The following CUL5 variants were observed in gnomAD, a reference collection of about 807,000 sequenced individuals.
The protein encoded by CUL5 is cullin 5.
In CUL5, 26 loss-of-function variants were observed where a neutral mutation model predicts 108.8. That is an observed-to-expected ratio of 0.24 (90% CI 0.18 to 0.33). The LOEUF is 0.33. Ranked by LOEUF, CUL5 falls within the 10% of genes least tolerant of loss-of-function variation. CUL5 has a pLI of 1.00. For missense variants in CUL5, 524 were observed against 909.2 expected (o/e 0.58, Z 5.45); for synonymous variants, 334 against 298.0 (o/e 1.12, Z -1.25).
intron 3 of CUL5, among the ~76,000 whole-genome samples, chr11:108,047,050 G>C (rs565255045): frequency 6.6e-6 from 1 of 152,292 alleles, no homozygotes; most frequent in Admixed American, 6.5e-5. Flanking sequence ...GGGCACAGTA[G>C]CTCAGGCCTG....
Position 108,008,997 on chromosome 11 carries a change from C to T in CUL5, c.-352C>T, listed in dbSNP as rs1368129614. The T allele has an allele frequency of 3.3e-6, 1 of 300,830 alleles. No individual in the cohort carries two copies. The highest frequency in any genetic ancestry group is 2.2e-5 in the African/African-American group (1 of 45,830). 18.6% of individuals were successfully genotyped at this position (300,830 alleles called of 1,614,324 possible). A position where few individuals can be genotyped will look rare whatever the true frequency, so the allele number is the denominator to read the frequency against. ...TTGCAGGTGGCCGCGGCGGGTGCAACCACAAAGGCTAATCCGAAGGAGTCG... is the reference window on the plus strand; with the variant it reads ...TTGCAGGTGGCCGCGGCGGGTGCAATCACAAAGGCTAATCCGAAGGAGTCG... On this transcript the variant is annotated 5_prime_UTR_variant, in exon 1 of 19. Transcript: ENST00000393094.
Position 108,095,520 on chromosome 11 carries a change from T to C in CUL5, c.1744-10T>C, listed in dbSNP as rs1216760463. On this transcript the variant is annotated splice_polypyrimidine_tract_variant and intron_variant, in intron 15 of 18. Coordinates refer to ENST00000393094, the MANE Select transcript of CUL5 (RefSeq NM_003478.6). ...GATTCTTTATTAAAAATCTGTTTTA[T>C]CTATTATAGATAACATTTAAGAATG... is the stretch of plus-strand genomic sequence containing the variant. The C allele has an allele frequency of 6.5e-7, 1 of 1,536,172 alleles. No individual in the cohort carries two copies. Among genetic ancestry groups the C allele is most frequent in the South Asian group, 1.2e-5 (1 of 85,152 alleles).
intron 8 of CUL5, among the ~76,000 whole-genome samples, chr11:108,070,545 A>G (rs770684168): frequency 8.5e-5 from 13 of 152,140 alleles, no homozygotes; most frequent in Non-Finnish European, 1.8e-4. Flanking sequence ...CTTGTGATGA[A>G]TCTTTTTAGA....
chr11:108,014,312 A>G (rs1166669331), intron 1 of CUL5, among the ~76,000 whole-genome samples: 3 of 152,170 alleles, frequency 2.0e-5, no homozygotes, highest in East Asian at 3.8e-4. Context: ...GCTGTGTTAG[A>G]TATTCTATAT....
chr11:108,065,155 A>G (rs1397096953), intron 7 of CUL5, among the ~76,000 whole-genome samples: 1 of 151,920 alleles, frequency 6.6e-6, no homozygotes, highest in African/African-American at 2.4e-5. Context: ...CCTCCCAAGT[A>G]GCTGGGACTA....
rs1453073492 is a variant in CUL5 at position 108,098,387 on chromosome 11, G to A, written c.2025-19G>A. 5 of 1,588,996 alleles carry A rather than the reference G, an allele frequency of 3.1e-6. No homozygotes were observed. The Admixed American group carries it at 5.5e-5, about 18-fold the overall frequency. On this transcript the variant is annotated intron_variant, in intron 17 of 18. Coordinates refer to ENST00000393094, the MANE Select transcript of CUL5 (RefSeq NM_003478.6). Reference sequence around the variant, plus strand: ...AAGTGTTTTTCACCATAAAATACTTGATGCAATTCTTTTTGTAGAAAAAAT... The same window carrying A: ...AAGTGTTTTTCACCATAAAATACTTAATGCAATTCTTTTTGTAGAAAAAAT...
intron 11 of CUL5, among the ~76,000 whole-genome samples, chr11:108,079,816 C>G (rs1864028858): frequency 6.6e-6 from 1 of 152,204 alleles, no homozygotes; most frequent in Non-Finnish European, 1.5e-5. Context: ...TTTGCCTAAT[C>G]TAGGACTTTG....
Position 108,106,031 on chromosome 11 carries a change from T to C in CUL5, c.*1647T>C, listed in dbSNP as rs1369702580. 1 of 152,168 alleles carries C rather than the reference T, an allele frequency of 6.6e-6. No individual in the cohort carries two copies. Among genetic ancestry groups the C allele is most frequent in the East Asian group, 1.9e-4 (1 of 5,196 alleles). The allele number at this position is 152,168 out of a possible 1,614,324, so 9.4% of individuals were successfully genotyped here. On this transcript the variant is annotated 3_prime_UTR_variant, in exon 19 of 19. Transcript: ENST00000393094. The stretch of plus-strand genomic sequence containing the variant: ...AAACTTATAGGAAATTGGAATTTTG[T>C]TTAAAATTTTACACTTTAAGGTAGC...
intron 2 of CUL5, among the ~76,000 whole-genome samples, chr11:108,041,794 G>A (rs548223433): frequency 6.6e-6 from 1 of 152,010 alleles, no homozygotes. Flanking sequence ...GTTTCATCAT[G>A]TTGGCCAGGC....
intron 3 of CUL5, among the ~76,000 whole-genome samples, chr11:108,048,815 T>G (rs1863135741): frequency 6.6e-6 from 1 of 151,806 alleles, no homozygotes; most frequent in East Asian, 1.9e-4. Context: ...TACAGGCGCA[T>G]GCCACCATGC....
intron 1 of CUL5, among the ~76,000 whole-genome samples, chr11:108,015,958 C>G (rs1207950091): frequency 2.0e-5 from 3 of 152,060 alleles, no homozygotes; most frequent in Non-Finnish European, 4.4e-5. Context: ...AGGTCTCACT[C>G]TCACACAAGC....
chr11:108,052,057 C>T (rs1012799921), intron 4 of CUL5, among the ~76,000 whole-genome samples: 4 of 152,162 alleles, frequency 2.6e-5, no homozygotes, highest in South Asian at 2.1e-4. Context: ...CCTTGCCCTC[C>T]TGGACTTAAG....
At chr11:108,072,940 C>A (rs186213647) in intron 9 of CUL5, among the ~76,000 whole-genome samples, 1 of 152,032 alleles carries the variant, frequency 6.6e-6, no homozygotes, top group Non-Finnish European at 1.5e-5. Context: ...AGGTGGCTCA[C>A]GCCTGTAATC....
At chr11:108,099,761 C>G (rs893303097) in intron 18 of CUL5, among the ~76,000 whole-genome samples, 1 of 152,126 alleles carries the variant, frequency 6.6e-6, no homozygotes, top group Non-Finnish European at 1.5e-5. Flanking sequence ...CCAGCTGATT[C>G]TTATTACCAT....
intron 2 of CUL5, among the ~76,000 whole-genome samples, chr11:108,038,822 C>T (rs148684516): frequency 2.4e-4 from 37 of 152,196 alleles, no homozygotes; most frequent in African/African-American, 8.4e-4. Flanking sequence ...TAATCGTTAA[C>T]ATTTAGGTTG....
intron 1 of CUL5, among the ~76,000 whole-genome samples, chr11:108,027,792 T>A (rs1168831700): frequency 6.6e-6 from 1 of 152,214 alleles, no homozygotes; most frequent in East Asian, 1.9e-4. Context: ...TGGACAAAGT[T>A]TCAGTAACTT....
At chr11:108,042,599 C>T (rs1402181561) in intron 2 of CUL5, among the ~76,000 whole-genome samples, 2 of 151,798 alleles carry the variant, frequency 1.3e-5, no homozygotes, top group Non-Finnish European at 2.9e-5. Flanking sequence ...CTGGCAAACT[C>T]CTATTTTTGG....
intron 8 of CUL5, among the ~76,000 whole-genome samples, chr11:108,070,526 G>T (rs1187404183): frequency 6.6e-6 from 1 of 152,050 alleles, no homozygotes; most frequent in African/African-American, 2.4e-5. Flanking sequence ...TTTGACTTTT[G>T]TGTGGAACCT....
chr11:108,035,536 A>G (rs1862714928), intron 2 of CUL5, among the ~76,000 whole-genome samples: 1 of 151,962 alleles, frequency 6.6e-6, no homozygotes, highest in Admixed American at 6.6e-5. Flanking sequence ...CAGGAGTTCA[A>G]GACCAGCCTG....
Sources: allele counts gnomAD v4.1 joint callset (sites outside exome capture counted in the v4.1 genomes callset), GRCh38; gene constraint gnomAD v4.1.1; transcripts MANE v1.5; gene names NCBI Gene and HGNC (gene_info 2026-07-23, HGNC 2026-07-21).